Variants in ZFHX3 observed in about 807,000 individuals in gnomAD.
ZFHX3 encodes zinc finger homeobox protein 3.
A neutral mutation model predicts 279.1 loss-of-function variants in ZFHX3; 42 were observed. The ratio of observed to expected loss-of-function variants is 0.15; its 90% CI spans 0.12 to 0.19. The LOEUF is 0.19. Ranked by LOEUF, ZFHX3 falls within the 10% of genes least tolerant of loss-of-function variation. The probability of loss-of-function intolerance (pLI) is 1.00; values close to 1 mark genes in which losing one functional copy is unlikely to be tolerated. For synonymous variants in ZFHX3, 2,293 were observed against 1,957.8 expected (o/e 1.17, Z -4.52); for missense variants, 4,981 against 4,754.0 (o/e 1.05, Z -1.40).
At chr16:73,669,860 GA>G (rs1323538134) in intron 2 of ZFHX3, among the ~76,000 whole-genome samples, 3 of 152,148 alleles carry the variant, frequency 2.0e-5, no homozygotes, top group African/African-American at 7.2e-5. Context: ...TTAAATCTCA[GA>G]AAATCACCTT....
At chr16:73,103,830 A>G (rs1383281343) in intron 7 of ZFHX3, among the ~76,000 whole-genome samples, 2 of 152,092 alleles carry the variant, frequency 1.3e-5, no homozygotes, top group Non-Finnish European at 2.9e-5. Flanking sequence ...GACATTTTAC[A>G]TAGATCATCA....
intron 4 of ZFHX3, among the ~76,000 whole-genome samples, chr16:72,877,352 A>G (rs955929657): frequency 7.4e-5 from 8 of 107,566 alleles, no homozygotes; most frequent in African/African-American, 3.5e-4. Context: ...GGCACTGTGT[A>G]GGTTTTTCTG....
At chr16:73,673,508 T>A (rs2052924211) in intron 2 of ZFHX3, among the ~76,000 whole-genome samples, 1 of 151,980 alleles carries the variant, frequency 6.6e-6, no homozygotes, top group Non-Finnish European at 1.5e-5. Flanking sequence ...AGTAAGAGAT[T>A]CCTTGGGCTC....
chr16:72,793,583 G>A lies in ZFHX3; in HGVS notation c.9099C>T (p.Tyr3033=), dbSNP rs532082621. The part of the protein sequence containing the change: ...KTECTLCGIK[Y]SARLSVRDHI... ...GGTCACGTACAGACAGCCGAGCGCT[G>A]TACTTGATGCCACACAAAGTGCACT... The change falls in exon 9 of 10, where the codon TAC becomes TAT. Residue 3033 remains tyrosine, a synonymous_variant. Coordinates refer to ENST00000268489, the MANE Select transcript of ZFHX3 (RefSeq NM_006885.4). This position sits in a 1 kb window ranked among gnomAD's most constrained non-coding sequence, Gnocchi z 4.3. 8.7e-6 allele frequency: 14 copies of A among 1,614,210 alleles called. No homozygotes were observed. Among genetic ancestry groups the A allele is most frequent in the South Asian group, 5.5e-5 (5 of 91,084 alleles).
chr16:72,914,508 A>C (rs2039393181), intron 3 of ZFHX3, among the ~76,000 whole-genome samples: 1 of 152,178 alleles, frequency 6.6e-6, no homozygotes, highest in Admixed American at 6.6e-5. Flanking sequence ...CAGCAGGCAG[A>C]CTTGGGGGAG....
chr16:73,195,891 G>T (rs1298892898), intron 5 of ZFHX3, among the ~76,000 whole-genome samples: 1 of 152,128 alleles, frequency 6.6e-6, no homozygotes, highest in Non-Finnish European at 1.5e-5. Flanking sequence ...GGGTCAGGCA[G>T]TTACACCAAT....
chr16:73,317,848 C>T (rs1010777712), intron 4 of ZFHX3, among the ~76,000 whole-genome samples: 11 of 152,266 alleles, frequency 7.2e-5, no homozygotes, highest in African/African-American at 2.4e-4. Flanking sequence ...TAAATGGGCC[C>T]AGAGAATTCC....
At chr16:72,834,943 A>T (rs1464449958) in intron 4 of ZFHX3, among the ~76,000 whole-genome samples, 1 of 152,178 alleles carries the variant, frequency 6.6e-6, no homozygotes, top group Admixed American at 6.5e-5. Flanking sequence ...CTCTGTTCCT[A>T]ACTCTTAACA....
chr16:73,776,509 C>A (rs1206950252), intron 1 of ZFHX3, among the ~76,000 whole-genome samples: 1 of 151,878 alleles, frequency 6.6e-6, no homozygotes, highest in East Asian at 1.9e-4. Context: ...CAGGGAGTAG[C>A]AATAATAGAA....
intron 1 of ZFHX3, among the ~76,000 whole-genome samples, chr16:73,823,455 T>G (rs1199036663): frequency 6.6e-6 from 1 of 152,114 alleles, no homozygotes; most frequent in East Asian, 1.9e-4. Flanking sequence ...AAACAAAGGT[T>G]CAAACCAATG....
intron 4 of ZFHX3, among the ~76,000 whole-genome samples, chr16:72,878,140 G>A (rs1041308563): frequency 6.6e-6 from 1 of 152,186 alleles, no homozygotes; most frequent in Non-Finnish European, 1.5e-5. Context: ...CCATGATTGT[G>A]CCACTGCACT....
chr16:72,956,309 A>G (rs1054003177), intron 2 of ZFHX3, among the ~76,000 whole-genome samples: 1 of 152,242 alleles, frequency 6.6e-6, no homozygotes, highest in Non-Finnish European at 1.5e-5. Context: ...TCCCATGTCA[A>G]TAATGGCATA....
At chr16:72,911,060 C>A (rs1322312460) in intron 3 of ZFHX3, among the ~76,000 whole-genome samples, 1 of 152,186 alleles carries the variant, frequency 6.6e-6, no homozygotes, top group Non-Finnish European at 1.5e-5. Flanking sequence ...CTGTGCTACT[C>A]CGTGAATAAC....
chr16:73,733,340 A>G (rs2053584242), intron 1 of ZFHX3, among the ~76,000 whole-genome samples: 3 of 152,220 alleles, frequency 2.0e-5, no homozygotes, highest in Non-Finnish European at 4.4e-5. Context: ...AAAGCTGCAG[A>G]GGTGCAAATG....
chr16:73,150,830 T>C (rs1966923807), intron 5 of ZFHX3, among the ~76,000 whole-genome samples: 1 of 152,220 alleles, frequency 6.6e-6, no homozygotes, highest in African/African-American at 2.4e-5. Flanking sequence ...CATGTGTCTG[T>C]TGAACTAAGT....
intron 2 of ZFHX3, among the ~76,000 whole-genome samples, chr16:73,635,803 C>G (rs1450006693): frequency 6.6e-6 from 1 of 152,210 alleles, no homozygotes; most frequent in Non-Finnish European, 1.5e-5. Flanking sequence ...CTTCCTTTGA[C>G]TTTCCCACTG....
intron 1 of ZFHX3, among the ~76,000 whole-genome samples, chr16:73,806,673 A>G (rs762079433): frequency 3.3e-5 from 5 of 152,188 alleles, no homozygotes; most frequent in Non-Finnish European, 7.3e-5. Context: ...CCCCACTGAC[A>G]CTTTGTCCTT....
chr16:73,774,343 A>G (rs1413460942), intron 1 of ZFHX3, among the ~76,000 whole-genome samples: 2 of 152,144 alleles, frequency 1.3e-5, no homozygotes, highest in African/African-American at 4.8e-5. Flanking sequence ...AGGCTGAGAG[A>G]AAGGGGATTT....
At chr16:72,978,334 C>A (rs1251933594) in intron 1 of ZFHX3, among the ~76,000 whole-genome samples, 1 of 152,228 alleles carries the variant, frequency 6.6e-6, no homozygotes, top group Non-Finnish European at 1.5e-5. Context: ...TTTACCGGAA[C>A]TGACACAGCT....
Sources: allele counts gnomAD v4.1 joint callset (sites outside exome capture counted in the v4.1 genomes callset), GRCh38; gene constraint gnomAD v4.1.1; non-coding constraint Gnocchi (gnomAD v3.1); transcripts MANE v1.5; gene names NCBI Gene and HGNC (gene_info 2026-07-23, HGNC 2026-07-21).